The following ZBTB16 variants were observed in gnomAD, a reference collection of about 807,000 sequenced individuals.
ZBTB16 encodes the protein zinc finger and BTB domain-containing protein 16.
In ZBTB16, 8 loss-of-function variants were observed where a neutral mutation model predicts 56.8. The ratio of observed to expected loss-of-function variants is 0.14; its 90% CI spans 0.08 to 0.25. The LOEUF is 0.25. Ranked by LOEUF, ZBTB16 falls within the 10% of genes least tolerant of loss-of-function variation. The probability of loss-of-function intolerance (pLI) is 1.00; values close to 1 mark genes in which losing one functional copy is unlikely to be tolerated. For synonymous variants in ZBTB16, 363 were observed against 368.5 expected, an observed-to-expected ratio of 0.98 and a Z score of 0.17; for missense variants, 625 against 903.0, an observed-to-expected ratio of 0.69 and a Z score of 3.95.
intron 4 of ZBTB16, among the ~76,000 whole-genome samples, chr11:114,194,536 T>C (rs934666779): frequency 3.3e-5 from 5 of 152,216 alleles, no homozygotes; most frequent in African/African-American, 1.2e-4. Context: ...TTTGAGGAGA[T>C]AAACAGAGAT....
intron 4 of ZBTB16, among the ~76,000 whole-genome samples, chr11:114,224,150 G>A (rs754052151): frequency 2.0e-5 from 3 of 152,178 alleles, no homozygotes; most frequent in Non-Finnish European, 4.4e-5. Flanking sequence ...CTCAACTGGT[G>A]GGTTTAAGCT....
At chr11:114,148,287 T>A (rs1486073698) in intron 2 of ZBTB16, among the ~76,000 whole-genome samples, 15 of 151,922 alleles carry the variant, frequency 9.9e-5, no homozygotes, top group Admixed American at 8.5e-4. Context: ...AGCTCCAGAT[T>A]GGCCTTCATC....
chr11:114,246,509 C>T (rs767736539), intron 5 of ZBTB16, among the ~76,000 whole-genome samples: 4 of 152,220 alleles, frequency 2.6e-5, no homozygotes, highest in Non-Finnish European at 5.9e-5. Flanking sequence ...CATTTTAATG[C>T]GAAAGTGGCA....
intron 3 of ZBTB16, among the ~76,000 whole-genome samples, chr11:114,178,631 G>T (rs1457005212): frequency 1.3e-5 from 2 of 152,222 alleles, no homozygotes. Flanking sequence ...CTCTGGCTGA[G>T]AATTGAGTTG....
At chr11:114,094,646 A>G (rs1287135488) in intron 2 of ZBTB16, among the ~76,000 whole-genome samples, 2 of 152,220 alleles carry the variant, frequency 1.3e-5, no homozygotes, top group East Asian at 1.9e-4. Flanking sequence ...TGGTCCACAC[A>G]GTGCTTTCGT....
At chr11:114,169,494 GACTACTCT>G (rs1942892584) in intron 3 of ZBTB16, among the ~76,000 whole-genome samples, 1 of 152,200 alleles carries the variant, frequency 6.6e-6, no homozygotes, top group African/African-American at 2.4e-5. Context: ...AAACCTCGAT[GACTACTCT>G]GGGTCACACG....
intron 3 of ZBTB16, among the ~76,000 whole-genome samples, chr11:114,176,966 A>G (rs568303981): frequency 6.6e-6 from 1 of 152,232 alleles, no homozygotes; most frequent in East Asian, 1.9e-4. Flanking sequence ...TGTCTCATTT[A>G]TGCAGGCCAT....
intron 4 of ZBTB16, among the ~76,000 whole-genome samples, chr11:114,219,183 CAGGGT>C (rs1054893103): frequency 2.0e-5 from 3 of 152,150 alleles, no homozygotes; most frequent in African/African-American, 7.2e-5. Context: ...ATGTGGGAAC[CAGGGT>C]AGGGAAGGAA....
At chr11:114,198,456 C>T (rs527944013) in intron 4 of ZBTB16, among the ~76,000 whole-genome samples, 1 of 152,318 alleles carries the variant, frequency 6.6e-6, no homozygotes, top group African/African-American at 2.4e-5. Flanking sequence ...TAGGGAGGAA[C>T]AACCCAGCCG....
chr11:114,075,450 T>A (rs1197466436), intron 2 of ZBTB16, among the ~76,000 whole-genome samples: 2 of 144,210 alleles, frequency 1.4e-5, no homozygotes, highest in African/African-American at 2.7e-5. Flanking sequence ...ATTGTAAAAT[T>A]AAGGGTTTTT....
intron 2 of ZBTB16, among the ~76,000 whole-genome samples, chr11:114,150,840 G>C (rs1435574060): frequency 1.3e-5 from 2 of 152,326 alleles, no homozygotes; most frequent in East Asian, 3.9e-4. Flanking sequence ...TTTTGCGGCT[G>C]AGAGCATTGG....
At chr11:114,120,430 C>A (rs993570194) in intron 2 of ZBTB16, among the ~76,000 whole-genome samples, 1 of 152,218 alleles carries the variant, frequency 6.6e-6, no homozygotes, top group African/African-American at 2.4e-5. Context: ...GAACTCCCTT[C>A]ACCTCTTCTA....
At chr11:114,093,954 A>G (rs1369151015) in intron 2 of ZBTB16, among the ~76,000 whole-genome samples, 1 of 152,182 alleles carries the variant, frequency 6.6e-6, no homozygotes, top group African/African-American at 2.4e-5. Flanking sequence ...AATAGTGACA[A>G]CGTCATTGGT....
At chr11:114,208,580 T>C (rs894597259) in intron 4 of ZBTB16, among the ~76,000 whole-genome samples, 2 of 152,212 alleles carry the variant, frequency 1.3e-5, no homozygotes, top group Non-Finnish European at 2.9e-5. Flanking sequence ...TTTCCTGTCA[T>C]GGGCTCTGGC....
rs1336941065 is a variant in ZBTB16, at chr11:114,247,310, T to C, written c.1737T>C (p.Cys579=). 2 of 1,614,234 alleles carry C rather than the reference T, an allele frequency of 1.2e-6. No individual in the cohort carries two copies. The highest frequency in any genetic ancestry group is 1.7e-5 in the Admixed American group (1 of 60,022). ...TGEKPYECNG[C]GKKFSLKHQL... Reference sequence around the variant, plus strand: ...AGAAACCCTACGAGTGCAATGGCTGTGGCAAGAAGTTCAGCCTCAAGCATC... The same window carrying C: ...AGAAACCCTACGAGTGCAATGGCTGCGGCAAGAAGTTCAGCCTCAAGCATC... The change falls in exon 6 of 7, where the codon TGT becomes TGC. Residue 579 remains cysteine (C), a synonymous_variant. Transcript: ENST00000335953.
At chr11:114,195,184 AGCGAGATAACTTG>A (rs1468837639) in intron 4 of ZBTB16, among the ~76,000 whole-genome samples, 2 of 152,228 alleles carry the variant, frequency 1.3e-5, no homozygotes, top group East Asian at 3.8e-4. Flanking sequence ...ATTAGAGGGC[AGCGAGATAACTTG>A]GCTGCTGAGC....
rs371307464 is a variant in ZBTB16 at position 114,161,787 on chromosome 11, G to A, written c.1366+5353G>A. ...CTGAGTAAGAGGGTGACATATTTTT[G>A]TGTCTGGAATAGAAGGGACTGTTGG... On this transcript the variant is annotated intron_variant, in intron 3 of 6. Transcript: ENST00000335953. Among the ~76,000 whole-genome samples, 18 of 152,036 alleles carry A rather than the reference G, an allele frequency of 1.2e-4. No individual in the cohort carries two copies. In the East Asian group the frequency reaches 3.5e-3, roughly 29 times the overall value.
chr11:114,239,697 C>T (rs1944662186), intron 4 of ZBTB16, among the ~76,000 whole-genome samples: 1 of 152,164 alleles, frequency 6.6e-6, no homozygotes, highest in East Asian at 1.9e-4. Flanking sequence ...TGCCTTGTGA[C>T]CCAGCCCCAG....
At chr11:114,236,451 G>T (rs646721) in intron 4 of ZBTB16, among the ~76,000 whole-genome samples, 41,506 of 152,096 alleles carry the variant, frequency 0.27, 6,791 homozygotes, top group East Asian at 0.39. Context: ...CTATGGTCTG[G>T]GTTTTTGCTT....
Sources: gnomAD v4.1 joint callset for allele counts (sites outside exome capture counted in the v4.1 genomes callset) on GRCh38, gnomAD v4.1.1 for gene constraint, MANE v1.5 for transcripts, NCBI Gene and HGNC (gene_info 2026-07-23, HGNC 2026-07-21) for gene names.